The following CFAP69 variants were observed in gnomAD, a reference collection of about 807,000 sequenced individuals.
CFAP69 encodes the protein cilia and flagella associated protein 69, also known as cilia- and flagella-associated protein 69.
In CFAP69, 92 loss-of-function variants were observed where a neutral mutation model predicts 123.0. That is an observed-to-expected ratio of 0.75 (90% confidence interval 0.63 to 0.89). The LOEUF is 0.89. CFAP69 is among the 40% of genes least tolerant of loss of function. The probability of loss-of-function intolerance (pLI) is 0.00; values close to 1 mark genes in which losing one functional copy is unlikely to be tolerated. For synonymous variants in CFAP69, 380 were observed against 364.3 expected (o/e 1.04, Z -0.49); for missense variants, 1,067 against 1,096.9 (o/e 0.97, Z 0.39).
At chr7:90,267,167 A>T (rs963438499) in intron 5 of CFAP69, among the ~76,000 whole-genome samples, 1 of 152,146 alleles carries the variant, frequency 6.6e-6, no homozygotes, top group Admixed American at 6.5e-5. Flanking sequence ...AAATAAATAA[A>T]ATTTAGAGTT....
rs370958449 is a variant in CFAP69, at chr7:90,274,177, A to G, written c.984+67A>G. 4.7e-5 allele frequency: 73 copies of G among 1,541,348 alleles called. No individual in the cohort carries two copies. The East Asian group carries it at 7.2e-4, about 15-fold the overall frequency. On this transcript the variant is annotated intron_variant, in intron 9 of 22. Coordinates refer to ENST00000389297, the MANE Select transcript of CFAP69 (RefSeq NM_001039706.3). ...GGTGGGCTTGGGTGAAAGAAGTCCT[A>G]TATTATGTTGGAATATTTGTGTATT... is the stretch of plus-strand genomic sequence containing the variant.
intron 4 of CFAP69, among the ~76,000 whole-genome samples, chr7:90,264,880 G>A (rs1414538934): frequency 1.1e-4 from 16 of 151,936 alleles, no homozygotes; most frequent in African/African-American, 3.1e-4. Context: ...TGCAACCTCC[G>A]CCTCCAGGAT....
Position 90,286,317 on chromosome 7 carries a change from A to G in CFAP69, c.1574A>G (p.Lys525Arg), listed in dbSNP as rs770936086. The change falls in exon 14 of 23, where the codon AAG becomes AGG. Residue 525 changes from lysine (K) to arginine (R), a missense_variant. Coordinates refer to ENST00000389297, the MANE Select transcript of CFAP69 (RefSeq NM_001039706.3). ...FKNIISKPNE[K>R]EEAIVLEIQS... is the part of the protein sequence containing the mutation. ...AATATAATAAGCAAGCCTAATGAAA[A>G]GGAAGAAGCCATTGTTTTGGAAATC... is the stretch of plus-strand genomic sequence containing the variant. 2.5e-6 allele frequency: 4 copies of G among 1,607,314 alleles called. No individual in the cohort carries two copies. The Admixed American group carries it at 6.7e-5, about 27-fold the overall frequency.
the CFAP69 span, chr7:90,319,625 T>C: frequency 5.0e-6 from 2 of 398,636 alleles, no homozygotes; most frequent in Non-Finnish European, 8.8e-6. Flanking sequence ...TCAATGTCTT[T>C]GGTGATTCCT....
At chr7:90,290,939 G>A (rs969254071) in intron 15 of CFAP69, among the ~76,000 whole-genome samples, 2 of 152,058 alleles carry the variant, frequency 1.3e-5, no homozygotes, top group African/African-American at 2.4e-5. Context: ...AGCTTGTTCA[G>A]TCCACATTCC....
downstream of CFAP69, among the ~76,000 whole-genome samples, chr7:90,315,440 A>G (rs1425818632): frequency 2.6e-5 from 4 of 152,230 alleles, no homozygotes; most frequent in Non-Finnish European, 4.4e-5. Flanking sequence ...GAATGAGATC[A>G]TGTCTTTTGC....
intron 4 of CFAP69, among the ~76,000 whole-genome samples, chr7:90,262,908 T>A (rs1404889439): frequency 6.6e-6 from 1 of 152,112 alleles, no homozygotes; most frequent in East Asian, 1.9e-4. Flanking sequence ...TTCTGATATC[T>A]GAATAAAATA....
intron 15 of CFAP69, among the ~76,000 whole-genome samples, chr7:90,296,598 T>C (rs1584508815): frequency 6.6e-6 from 1 of 151,934 alleles, no homozygotes; most frequent in East Asian, 1.9e-4. Context: ...AAAGTGCTGG[T>C]ATTACAGGCT....
chr7:90,277,439 C>A, intron 11 of CFAP69, 105 bp downstream of exon 11: 1 of 979,466 alleles, frequency 1.0e-6, no homozygotes. Flanking sequence ...ATATATTTAC[C>A]ACAGAAAGCA....
intron 20 of CFAP69, among the ~76,000 whole-genome samples, chr7:90,307,315 T>A (rs1200955220): frequency 6.6e-6 from 1 of 152,196 alleles, no homozygotes; most frequent in Non-Finnish European, 1.5e-5. Flanking sequence ...CCAATTACCC[T>A]GATCATTACA....
At chr7:90,301,178 G>A (rs1792749836) in intron 17 of CFAP69, 2 of 151,888 alleles carry the variant, frequency 1.3e-5, no homozygotes, top group Non-Finnish European at 2.9e-5. Context: ...CACCATGTTG[G>A]CTAGGCTGGT....
rs73707431 is a variant in CFAP69 at position 90,262,517 on chromosome 7, A to T, written c.356+461A>T. Among the ~76,000 whole-genome samples the T allele has an allele frequency of 2.2e-3, 335 of 152,258 alleles. 2 individuals are homozygous for T. Among genetic ancestry groups the T allele is most frequent in the African/African-American group, 7.4e-3 (309 of 41,584 alleles). ...AAATCACCAATTACATTTGATATATATTTTAAAAATGTAAGTTAGAGATAA... is the reference window on the plus strand; with the variant it reads ...AAATCACCAATTACATTTGATATATTTTTTAAAAATGTAAGTTAGAGATAA... On this transcript the variant is annotated intron_variant, in intron 4 of 22. Transcript: ENST00000389297.
intron 1 of CFAP69, among the ~76,000 whole-genome samples, chr7:90,248,675 C>T (rs1315676968): frequency 6.6e-6 from 1 of 152,150 alleles, no homozygotes; most frequent in Non-Finnish European, 1.5e-5. Context: ...TCTATGTAAA[C>T]ATTATATCTT....
Position 90,304,039 on chromosome 7 carries a change from A to C in CFAP69, c.2121A>C (p.Pro707=), listed in dbSNP as rs1336273623. ...QKIIPLPANC[P]SIAVMDVSEN... The stretch of plus-strand genomic sequence containing the variant: ...TCATCCCACTGCCTGCTAACTGCCC[A>C]TCTATTGCGGTTATGGATGTTTCTG... Residue 707 remains proline (P), a synonymous_variant, in exon 18 of 23, where the codon CCA becomes CCC. Coordinates refer to ENST00000389297, the MANE Select transcript of CFAP69 (RefSeq NM_001039706.3). 2 of 1,551,182 alleles carry C rather than the reference A, an allele frequency of 1.3e-6. No individual in the cohort carries two copies. The highest frequency in any genetic ancestry group is 1.7e-6 in the Non-Finnish European group (2 of 1,146,754).
chr7:90,255,720 G>A (rs1797566844), intron 2 of CFAP69, among the ~76,000 whole-genome samples: 1 of 152,092 alleles, frequency 6.6e-6, no homozygotes, highest in Non-Finnish European at 1.5e-5. Flanking sequence ...AACCCATGGT[G>A]GCTGTAACAG....
intron 4 of CFAP69, among the ~76,000 whole-genome samples, chr7:90,264,691 C>T (rs769371224): frequency 2.0e-4 from 30 of 151,990 alleles, no homozygotes; most frequent in Non-Finnish European, 3.1e-4. Flanking sequence ...ATTCATGAAG[C>T]GATGCAAAAT....
At chr7:90,269,641 G>C (rs571963006) in intron 6 of CFAP69, among the ~76,000 whole-genome samples, 1 of 152,262 alleles carries the variant, frequency 6.6e-6, no homozygotes, top group South Asian at 2.1e-4. Context: ...GATATAAAGT[G>C]GTCAGGGCAG....
chr7:90,295,068 C>T (rs1224476459), intron 15 of CFAP69, among the ~76,000 whole-genome samples: 1 of 152,144 alleles, frequency 6.6e-6, no homozygotes, highest in African/African-American at 2.4e-5. Context: ...CAAGTTTCCC[C>T]TTTTAGGGAG....
Position 90,307,839 on chromosome 7 carries a change from C to A in CFAP69, c.2535C>A (p.Asn845Lys), listed in dbSNP as rs558288448. 11 of 1,608,884 alleles carry A rather than the reference C, an allele frequency of 6.8e-6. No homozygotes were observed. The highest frequency in any genetic ancestry group is 5.4e-5 in the African/African-American group (4 of 74,570). Residue 845 changes from asparagine (N) to lysine (K), a missense_variant, in exon 21 of 23, where the codon AAC becomes AAA. Coordinates refer to ENST00000389297, the MANE Select transcript of CFAP69 (RefSeq NM_001039706.3). ...SWEDFLARTSNAKTLKKAKSL... is the reference protein window; with the variant it reads ...SWEDFLARTSKAKTLKKAKSL... The stretch of plus-strand genomic sequence containing the variant: ...AAGATTTCTTGGCTAGAACATCAAA[C>A]GCTAAAACGTTAAAGGTAGGATTTT...
Sources: gnomAD v4.1 joint callset for allele counts (sites outside exome capture counted in the v4.1 genomes callset) on GRCh38, gnomAD v4.1.1 for gene constraint, MANE v1.5 for transcripts, NCBI Gene and HGNC (gene_info 2026-07-23, HGNC 2026-07-21) for gene names.